Variants in SEMA3A observed in about 807,000 individuals in gnomAD.
SEMA3A encodes the protein semaphorin-3A.
SEMA3A carries 29 observed loss-of-function variants against 97.9 expected under a neutral mutation model. The ratio of observed to expected loss-of-function variants is 0.30; its 90% confidence interval spans 0.22 to 0.40. SEMA3A has a LOEUF of 0.40. SEMA3A is among the 10% of genes least tolerant of loss of function. SEMA3A has a pLI of 1.00. For missense variants in SEMA3A, 763 were observed against 951.3 expected, an observed-to-expected ratio of 0.80 and a Z score of 2.60; for synonymous variants, 321 against 323.7, an observed-to-expected ratio of 0.99 and a Z score of 0.09.
At position 84,384,497 on chromosome 7, in the gene SEMA3A, T is replaced by C. The variant is rs1180625587; in HGVS notation, c.-245-12597A>G. 2.6e-5 allele frequency among the ~76,000 whole-genome samples: 4 copies of C among 152,180 alleles called. No individual in the cohort carries two copies. In the East Asian group the frequency reaches 7.7e-4, roughly 29 times the overall value. The stretch of plus-strand genomic sequence containing the variant: ...ATGTTAGTCAGGAAAGGTTTTTTTA[T>C]ATAGTAATCTAAAAAATGTCAGAGA... On this transcript the variant is annotated intron_variant, in intron 1 of 3. Coordinates refer to the SEMA3A transcript ENST00000424555.
intron 1 of SEMA3A, among the ~76,000 whole-genome samples, chr7:84,373,165 G>A (rs1288859214): frequency 6.6e-6 from 1 of 152,294 alleles, no homozygotes; most frequent in East Asian, 1.9e-4. Flanking sequence ...AGTGTCCCCA[G>A]TCAACCTGTA....
intron 1 of SEMA3A, among the ~76,000 whole-genome samples, chr7:84,420,199 A>AT (rs562138176): frequency 8.6e-5 from 13 of 151,406 alleles, no homozygotes; most frequent in Non-Finnish European, 1.0e-4. Flanking sequence ...AAAAAAAAAA[A>AT]GTGACAGATA....
chr7:84,355,584 T>C (rs867199343), intron 2 of SEMA3A, among the ~76,000 whole-genome samples: 1 of 151,878 alleles, frequency 6.6e-6, no homozygotes, highest in Non-Finnish European at 1.5e-5. Flanking sequence ...AATCAGAACC[T>C]ACATAACTCT....
intron 3 of SEMA3A, among the ~76,000 whole-genome samples, chr7:84,126,950 C>T (rs1795818167): frequency 6.6e-6 from 1 of 152,098 alleles, no homozygotes; most frequent in Admixed American, 6.5e-5. Context: ...TTTCTATTTA[C>T]TCCTTTCCAG....
intron 1 of SEMA3A, among the ~76,000 whole-genome samples, chr7:84,153,906 A>T (rs1040693733): frequency 1.3e-5 from 2 of 152,092 alleles, no homozygotes; most frequent in African/African-American, 4.8e-5. Flanking sequence ...AAGAAAGCAA[A>T]CTTACATATT....
chr7:83,995,496 A>C, intron 12 of SEMA3A, among the ~76,000 whole-genome samples: 1 of 152,208 alleles, frequency 6.6e-6, no homozygotes, highest in Admixed American at 6.5e-5. Context: ...CAGGAAATTA[A>C]TAACAGTTTG....
intron 6 of SEMA3A, among the ~76,000 whole-genome samples, chr7:84,036,074 C>G (rs188847997): frequency 6.6e-6 from 1 of 152,002 alleles, no homozygotes; most frequent in East Asian, 1.9e-4. Context: ...ATTGTCATGT[C>G]CTGCTTTCAT....
chr7:84,393,607 T>G (rs1803648151), intron 1 of SEMA3A, among the ~76,000 whole-genome samples: 1 of 152,168 alleles, frequency 6.6e-6, no homozygotes, highest in Non-Finnish European at 1.5e-5. Flanking sequence ...TCTCCATGAT[T>G]GTATTAGTTG....
At chr7:84,490,369 G>A (rs1223804374) in intron 1 of SEMA3A, among the ~76,000 whole-genome samples, 1 of 152,050 alleles carries the variant, frequency 6.6e-6, no homozygotes, top group East Asian at 1.9e-4. Context: ...TGAGTTACGT[G>A]TGTATATTCA....
chr7:84,285,970 C>CAAAAAAAA (rs564063430), intron 3 of SEMA3A, among the ~76,000 whole-genome samples: 1 of 70,156 alleles, frequency 1.4e-5, no homozygotes, highest in Non-Finnish European at 3.3e-5. Flanking sequence ...GACCCCATCT[C>CAAAAAAAA]AAAAAAAAAA....
intron 2 of SEMA3A, among the ~76,000 whole-genome samples, chr7:84,352,239 T>C (rs920804496): frequency 2.6e-5 from 4 of 151,970 alleles, no homozygotes; most frequent in Non-Finnish European, 5.9e-5. Context: ...GAAAGGTTAG[T>C]GGAAAGTGGG....
At position 83,959,734 on chromosome 7, in the gene SEMA3A, T is replaced by C. The variant is rs563920244; in HGVS notation, c.*1637A>G. 3.3e-5 allele frequency: 5 copies of C among 152,240 alleles called. No individual in the cohort carries two copies. The South Asian group carries it at 1.0e-3, about 32-fold the overall frequency. The allele number at this position is 152,240 out of a possible 1,614,324, so 9.4% of individuals were successfully genotyped here. A position where few individuals can be genotyped will look rare whatever the true frequency, so the allele number is the denominator to read the frequency against. The stretch of plus-strand genomic sequence containing the variant: ...GTTGCTTCATTAATTACTAATAAGA[T>C]GTTTTCTTTGCATTTTTGTGCATGA... On this transcript the variant is annotated 3_prime_UTR_variant, in exon 17 of 17. Coordinates refer to ENST00000265362, the MANE Select transcript of SEMA3A (RefSeq NM_006080.3).
rs953033710 is a variant in SEMA3A at position 84,342,057 on chromosome 7, C to T, written c.-169+29767G>A. 1.3e-4 allele frequency among the ~76,000 whole-genome samples: 20 copies of T among 150,458 alleles called. No individual in the cohort carries two copies. In the South Asian group the frequency reaches 2.7e-3, roughly 20 times the overall value. On this transcript the variant is annotated intron_variant, in intron 2 of 3. Coordinates refer to the SEMA3A transcript ENST00000424555. ...TTGTCACTAATTTTTTTTTTTTTGA[C>T]GGAGTTTCACCCTTGTTGCCCAGGC...
In SEMA3A at chr7:83,959,944, G is replaced by T. The variant is rs1788403233; in HGVS notation, c.*1427C>A. The T allele has an allele frequency of 6.6e-6, 1 of 152,018 alleles. No homozygotes were observed. The highest frequency in any genetic ancestry group is 2.1e-4 in the South Asian group (1 of 4,830). 9.4% of individuals were successfully genotyped at this position (152,018 alleles called of 1,614,324 possible). On this transcript the variant is annotated 3_prime_UTR_variant, in exon 17 of 17. Transcript: ENST00000265362. ...TTTGTAAGTTGTTGCAGGAAACAAA[G>T]AATTTTACATTGTTTAAATGTGGGT...
chr7:84,189,654 C>T (rs1164980284), intron 1 of SEMA3A, among the ~76,000 whole-genome samples: 1 of 151,496 alleles, frequency 6.6e-6, no homozygotes, highest in Non-Finnish European at 1.5e-5. Flanking sequence ...AAATTTAATG[C>T]CCTATACAAT....
intron 5 of SEMA3A, among the ~76,000 whole-genome samples, chr7:84,052,062 C>T (rs1227470116): frequency 2.0e-5 from 3 of 152,054 alleles, no homozygotes; most frequent in Admixed American, 2.0e-4. Flanking sequence ...GGATGAAGCC[C>T]ACTTGATCAT....
chr7:84,486,156 G>GAGGC (rs1806569203), intron 1 of SEMA3A, among the ~76,000 whole-genome samples: 1 of 152,124 alleles, frequency 6.6e-6, no homozygotes, highest in Non-Finnish European at 1.5e-5. Flanking sequence ...TTGGGAGGCT[G>GAGGC]AGGCAGGCAG....
chr7:84,291,782 A>T (rs1800753850), intron 3 of SEMA3A, among the ~76,000 whole-genome samples: 1 of 152,166 alleles, frequency 6.6e-6, no homozygotes, highest in Non-Finnish European at 1.5e-5. Context: ...AAAAGTGAAA[A>T]GCCTCTTAGA....
chr7:84,116,839 G>A (rs1379195194), intron 3 of SEMA3A, among the ~76,000 whole-genome samples: 1 of 152,150 alleles, frequency 6.6e-6, no homozygotes, highest in African/African-American at 2.4e-5. Flanking sequence ...ATAAATTTCT[G>A]CTGTTTTGGC....
Sources: allele counts gnomAD v4.1 joint callset (sites outside exome capture counted in the v4.1 genomes callset), GRCh38; gene constraint gnomAD v4.1.1; transcripts MANE v1.5; gene names NCBI Gene and HGNC (gene_info 2026-07-23, HGNC 2026-07-21).